Variants in MAL observed in about 807,000 individuals in gnomAD.
MAL encodes mal, T cell differentiation protein (MAL blood group).
MAL carries 5 observed loss-of-function variants against 16.7 expected under a neutral mutation model. That is an observed-to-expected ratio of 0.30 (90% confidence interval 0.16 to 0.63). The LOEUF is 0.63. MAL is among the 30% of genes least tolerant of loss of function. The probability of loss-of-function intolerance (pLI) is 0.82; values close to 1 mark genes in which losing one functional copy is unlikely to be tolerated. For synonymous variants in MAL, 96 were observed against 85.5 expected (o/e 1.12, Z -0.67); for missense variants, 202 against 195.8 (o/e 1.03, Z -0.19).
At position 95,053,489 on chromosome 2, in the gene MAL, GGTGTTAACTGGCC is replaced by G. The variant is rs1558663646; in HGVS notation, c.*36_*48del. 6.7e-7 allele frequency: 1 copy of G among 1,492,466 alleles called. No homozygotes were observed. The highest frequency in any genetic ancestry group is 9.3e-7 in the Non-Finnish European group (1 of 1,069,630). 92.5% of individuals were successfully genotyped at this position (1,492,466 alleles called of 1,614,324 possible). On this transcript the variant is annotated 3_prime_UTR_variant, in exon 4 of 4. Transcript: ENST00000309988. ...TAGAACTTGAGCTGAAAACCCAGAT[GGTGTTAACTGGCC>G]GCCCCACTTTCCGGCATAACTTTTT...
intron 2 of MAL, among the ~76,000 whole-genome samples, chr2:95,048,329 C>T (rs892380440): frequency 9.2e-5 from 14 of 152,152 alleles, no homozygotes; most frequent in Non-Finnish European, 8.8e-5. Context: ...CGCTGCCAAC[C>T]CTCACTGGAC....
chr2:95,034,465 C>T (rs1208274622), intron 1 of MAL, among the ~76,000 whole-genome samples: 1 of 152,234 alleles, frequency 6.6e-6, no homozygotes, highest in East Asian at 1.9e-4. Context: ...ATAGCTACAT[C>T]TGCCCGCAGG....
chr2:95,047,469 C>G (rs1674616904), intron 1 of MAL, among the ~76,000 whole-genome samples: 1 of 152,164 alleles, frequency 6.6e-6, no homozygotes, highest in Admixed American at 6.5e-5. Context: ...GCCTGTAATC[C>G]CAACCCTTTG....
intron 1 of MAL, chr2:95,026,803 A>AGG (rs1253058606): frequency 9.2e-5 from 14 of 152,026 alleles, no homozygotes; most frequent in Admixed American, 9.2e-4. Context: ...CTTTTCCGGC[A>AGG]CCCCACCCTC....
chr2:95,047,440 G>A (rs1318940409), intron 1 of MAL, among the ~76,000 whole-genome samples: 1 of 152,198 alleles, frequency 6.6e-6, no homozygotes, highest in Non-Finnish European at 1.5e-5. Flanking sequence ...AGTTACTCAG[G>A]CCAGGTGCAG....
intron 1 of MAL, chr2:95,044,293 A>G (rs1016938243): frequency 2.0e-5 from 3 of 152,266 alleles, no homozygotes; most frequent in African/African-American, 7.2e-5. Context: ...ATTTCTTTCC[A>G]AGGTGATGAC....
chr2:95,035,885 A>C (rs754318289), intron 1 of MAL, among the ~76,000 whole-genome samples: 3 of 151,970 alleles, frequency 2.0e-5, no homozygotes, highest in Non-Finnish European at 4.4e-5. Context: ...TAGCCAGGAT[A>C]GTCTCAATCT....
chr2:95,041,089 T>C (rs1674452202), intron 1 of MAL, among the ~76,000 whole-genome samples: 1 of 152,098 alleles, frequency 6.6e-6, no homozygotes, highest in Admixed American at 6.6e-5. Flanking sequence ...CCCAGAAAAA[T>C]ATCCAGAGAA....
rs757617050 is a variant in MAL, at chr2:95,053,460, G to A, written c.*5G>A. The stretch of plus-strand genomic sequence containing the variant: ...ATCAGATGGAAGTCTTCATAAAGCC[G>A]CAGTAGAACTTGAGCTGAAAACCCA... On this transcript the variant is annotated 3_prime_UTR_variant, in exon 4 of 4. Transcript: ENST00000309988. 39 of 1,609,564 alleles carry A rather than the reference G, an allele frequency of 2.4e-5. No individual in the cohort carries two copies. Among genetic ancestry groups the A allele is most frequent in the African/African-American group, 1.1e-4 (8 of 74,786 alleles).
At chr2:95,049,160 GAAACAAAACA>G (rs537706027) in intron 2 of MAL, among the ~76,000 whole-genome samples, 68 of 152,184 alleles carry the variant, frequency 4.5e-4, no homozygotes, top group East Asian at 1.5e-3. Flanking sequence ...AATAAGCAAT[GAAACAAAACA>G]AAACAAAACA....
Position 95,037,347 on chromosome 2 carries a change from GGTGAGTGAGTGACTGA to G in MAL, c.94-10591_94-10576del, listed in dbSNP as rs1341681652. On this transcript the variant is annotated intron_variant, in intron 1 of 3. Coordinates refer to ENST00000309988, the MANE Select transcript of MAL (RefSeq NM_002371.4). ...GAGTGGCTGAGTGAGTGACTGAGTG[GGTGAGTGAGTGACTGA>G]GTGAGTGAGTGACTGAGTGATTGAC... Among the ~76,000 whole-genome samples, 460 of 118,464 alleles carry G rather than the reference GGTGAGTGAGTGACTGA, an allele frequency of 3.9e-3. 1 individual carries two copies. The highest frequency in any genetic ancestry group is 5.8e-3 in the Non-Finnish European group (319 of 55,456). 77.7% of individuals were successfully genotyped at this position (118,464 alleles called of 152,430 possible).
At chr2:95,051,726 C>G (rs951496508) in intron 3 of MAL, 1 of 152,126 alleles carries the variant, frequency 6.6e-6, no homozygotes, top group African/African-American at 2.4e-5. Context: ...TTCACGCAGA[C>G]AGGAGCGTTA....
intron 1 of MAL, among the ~76,000 whole-genome samples, chr2:95,042,567 C>A (rs899681886): frequency 2.0e-5 from 3 of 152,184 alleles, no homozygotes; most frequent in African/African-American, 7.2e-5. Context: ...CAACTGGAGA[C>A]CTTTGAGATC....
chr2:95,053,739 G>A lies in MAL; in HGVS notation c.*284G>A, dbSNP rs1239867255. 7 of 414,236 alleles carry A rather than the reference G, an allele frequency of 1.7e-5. No individual in the cohort carries two copies. The highest frequency in any genetic ancestry group is 4.0e-5 in the East Asian group (1 of 25,060). The allele number at this position is 414,236 out of a possible 1,614,324, so 25.7% of individuals were successfully genotyped here. A position where few individuals can be genotyped will look rare whatever the true frequency, so the allele number is the denominator to read the frequency against. ...TTTGTGAAAGGGGACCTTCTTGTTC[G>A]GGGGTGGGAAGTGGCGACCGTGACC... On this transcript the variant is annotated 3_prime_UTR_variant, in exon 4 of 4. Coordinates refer to ENST00000309988, the MANE Select transcript of MAL (RefSeq NM_002371.4).
intron 1 of MAL, among the ~76,000 whole-genome samples, chr2:95,035,266 C>T (rs925731014): frequency 1.3e-5 from 2 of 152,218 alleles, no homozygotes; most frequent in African/African-American, 2.4e-5. Flanking sequence ...TTAAGCCACT[C>T]CTGTCTGGTC....
rs184020892 is a variant in MAL at position 95,042,830 on chromosome 2, G to A, written c.94-5129G>A. On this transcript the variant is annotated intron_variant, in intron 1 of 3. Transcript: ENST00000309988. ...TGCTCTGGACAAATATTTGGCCAGCGGGGTCCTGAGGCCAGGCTGGAACAG... is the reference window on the plus strand; with the variant it reads ...TGCTCTGGACAAATATTTGGCCAGCAGGGTCCTGAGGCCAGGCTGGAACAG... Among the ~76,000 whole-genome samples the A allele has an allele frequency of 3.1e-4, 47 of 152,292 alleles. No homozygotes were observed. The East Asian group carries it at 6.2e-3, about 20-fold the overall frequency.
At chr2:95,048,599 A>G (rs1674643233) in intron 2 of MAL, among the ~76,000 whole-genome samples, 1 of 152,180 alleles carries the variant, frequency 6.6e-6, no homozygotes, top group Non-Finnish European at 1.5e-5. Context: ...AGCACTGGGA[A>G]ACAGAAGCGG....
chr2:95,049,780 T>C (rs1674677995), intron 3 of MAL, 74 bp downstream of exon 3: 6 of 1,586,220 alleles, frequency 3.8e-6, no homozygotes, highest in East Asian at 4.5e-5. Flanking sequence ...GGAGGCTGCC[T>C]AGGCCCTTGG....
intron 1 of MAL, among the ~76,000 whole-genome samples, chr2:95,030,783 G>C (rs564609774): frequency 6.6e-6 from 1 of 152,340 alleles, no homozygotes; most frequent in South Asian, 2.1e-4. Flanking sequence ...TCACGGGTTG[G>C]GGTTGGGGTG....
Sources: gnomAD v4.1 joint callset for allele counts (sites outside exome capture counted in the v4.1 genomes callset) on GRCh38, gnomAD v4.1.1 for gene constraint, MANE v1.5 for transcripts, NCBI Gene and HGNC (gene_info 2026-07-23, HGNC 2026-07-21) for gene names.